The following TRAP1 variants were observed in gnomAD, a reference collection of about 807,000 sequenced individuals.
The protein encoded by TRAP1 is heat shock protein 75 kDa, mitochondrial.
Under a neutral mutation model 89.1 loss-of-function variants are expected in TRAP1, and 102 were observed. The ratio of observed to expected loss-of-function variants is 1.15; its 90% confidence interval spans 0.98 to 1.35. The LOEUF (loss-of-function observed/expected upper bound fraction) is 1.35. Ranked by LOEUF, TRAP1 falls within the 40% of genes most tolerant of loss-of-function variation. The pLI, the probability that TRAP1 is intolerant of heterozygous loss-of-function variation, is 0.00. For synonymous variants in TRAP1, 508 were observed against 388.0 expected (o/e 1.31, Z -3.64); for missense variants, 1,256 against 945.3 (o/e 1.33, Z -4.31).
At chr16:3,695,304 A>G (rs2051271351) in intron 1 of TRAP1, among the ~76,000 whole-genome samples, 1 of 152,170 alleles carries the variant, frequency 6.6e-6, no homozygotes, top group Admixed American at 6.6e-5. Context: ...AGCTGAGGGA[A>G]CATGACACTT....
At chr16:3,662,505 CT>C in intron 15 of TRAP1, 2 of 520,346 alleles carry the variant, frequency 3.8e-6, no homozygotes, top group Non-Finnish European at 3.6e-6. Flanking sequence ...GGAGTCTTAG[CT>C]CTCTGAAGCC....
In TRAP1 at chr16:3,663,571, G is replaced by A. The variant is rs1186089907; in HGVS notation, c.1570-9C>T. ...TCAAAGCAGAAGAGAACCTGCAGGTGGCCAAGAGCAGCTCCATCAGACCCC... is the reference window on the plus strand; with the variant it reads ...TCAAAGCAGAAGAGAACCTGCAGGTAGCCAAGAGCAGCTCCATCAGACCCC... On this transcript the variant is annotated splice_polypyrimidine_tract_variant and intron_variant, in intron 13 of 17. Transcript: ENST00000246957. 6.2e-7 allele frequency: 1 copy of A among 1,613,432 alleles called. No individual in the cohort carries two copies. The highest frequency in any genetic ancestry group is 1.3e-5 in the African/African-American group (1 of 74,924).
At position 3,672,719 on chromosome 16, in the gene TRAP1, C is replaced by T; in HGVS notation, c.1146G>A (p.Lys382=). The stretch of plus-strand genomic sequence containing the variant: ...GCGTACCTCGGATGAAGCGCAGCCA[C>T]TTGGGCAGGATGTCCGTGGCCTTGG... ...IQTKATDILP[K]WLRFIRGVVD... The change falls in exon 10 of 18, where the codon AAG becomes AAA. Residue 382 remains lysine, a synonymous_variant. Transcript: ENST00000246957. The T allele has an allele frequency of 6.2e-7, 1 of 1,610,032 alleles. No homozygotes were observed. The highest frequency in any genetic ancestry group is 2.2e-5 in the East Asian group (1 of 44,720).
chr16:3,662,866 C>T lies in TRAP1; in HGVS notation c.1794+16G>A. On this transcript the variant is annotated intron_variant, in intron 15 of 17. Coordinates refer to ENST00000246957, the MANE Select transcript of TRAP1 (RefSeq NM_016292.3). ...CACTGCGGCCAAGTGGTGGTCCATCCCCGGGAAAGCCTCACCTTCACGTTG... is the reference window on the plus strand; with the variant it reads ...CACTGCGGCCAAGTGGTGGTCCATCTCCGGGAAAGCCTCACCTTCACGTTG... The T allele has an allele frequency of 2.5e-6, 4 of 1,613,230 alleles. No individual in the cohort carries two copies. The highest frequency in any genetic ancestry group is 3.4e-6 in the Non-Finnish European group (4 of 1,179,734).
Position 3,698,217 on chromosome 16 carries a change from A to G in TRAP1, c.89-7232T>C, listed in dbSNP as rs74745301. ...TAAGAAATCTATATTTCCAGCCAGA[A>G]TTGCAAGACTTAGTATCATAACGCC... On this transcript the variant is annotated intron_variant, in intron 1 of 17. Coordinates refer to ENST00000246957, the MANE Select transcript of TRAP1 (RefSeq NM_016292.3). Among the ~76,000 whole-genome samples the G allele has an allele frequency of 9.7e-3, 1,483 of 152,230 alleles. 8 individuals are homozygous for G. The highest frequency in any genetic ancestry group is 0.027 in the Middle Eastern group (8 of 294).
At chr16:3,694,055 G>A (rs1386294997) in intron 1 of TRAP1, among the ~76,000 whole-genome samples, 3 of 151,396 alleles carry the variant, frequency 2.0e-5, no homozygotes, top group Admixed American at 6.6e-5. Flanking sequence ...CCCACTGGAG[G>A]TGCCGAGGGA....
At chr16:3,712,333 T>C (rs2051543613) in intron 1 of TRAP1, among the ~76,000 whole-genome samples, 1 of 145,216 alleles carries the variant, frequency 6.9e-6, no homozygotes, top group Admixed American at 6.9e-5. Context: ...ATGTCAGCAT[T>C]TTGAGACAAG....
At position 3,717,415 on chromosome 16, in the gene TRAP1, C is replaced by G; in HGVS notation, c.88+6G>C. On this transcript the variant is annotated splice_donor_region_variant and intron_variant, in intron 1 of 17. Coordinates refer to ENST00000246957, the MANE Select transcript of TRAP1 (RefSeq NM_016292.3). ...CCCGCTGCCCGTCCAGCCAGGACGC[C>G]CTCACCTCCCGGCACGGCCGCCAGC... The G allele has an allele frequency of 8.5e-7, 1 of 1,173,682 alleles. No homozygotes were observed. Among genetic ancestry groups the G allele is most frequent in the Non-Finnish European group, 1.1e-6 (1 of 930,802 alleles). 72.7% of individuals were successfully genotyped at this position (1,173,682 alleles called of 1,614,324 possible).
At chr16:3,674,977 G>T in intron 8 of TRAP1, 1 of 340,576 alleles carries the variant, frequency 2.9e-6, no homozygotes, top group Non-Finnish European at 5.5e-6. Flanking sequence ...AGTGGGGAAA[G>T]GGCTGCTTTT....
chr16:3,665,959 C>G lies in TRAP1; in HGVS notation c.1383+12G>C, dbSNP rs778097230. ...GTGGCCCAGAAAAAGGCCTGGAACA[C>G]AGCTCCTATACCTTGACCTCCTGCT... is the stretch of plus-strand genomic sequence containing the variant. On this transcript the variant is annotated intron_variant, in intron 12 of 17. Coordinates refer to ENST00000246957, the MANE Select transcript of TRAP1 (RefSeq NM_016292.3). 1.2e-6 allele frequency: 2 copies of G among 1,606,386 alleles called. No individual in the cohort carries two copies. The highest frequency in any genetic ancestry group is 1.7e-5 in the Admixed American group (1 of 58,098).
chr16:3,661,871 A>C lies in TRAP1; in HGVS notation c.1940+116T>G, dbSNP rs971708013. The C allele has an allele frequency of 1.2e-5, 16 of 1,329,188 alleles. No individual in the cohort carries two copies. The East Asian group carries it at 3.5e-4, about 29-fold the overall frequency. 82.3% of individuals were successfully genotyped at this position (1,329,188 alleles called of 1,614,324 possible). Reference sequence around the variant, plus strand: ...TGCATACAGCTCCTTATAGTTACCCACATGTCCACAGGCCTCACGCACTTT... The same window carrying C: ...TGCATACAGCTCCTTATAGTTACCCCCATGTCCACAGGCCTCACGCACTTT... On this transcript the variant is annotated intron_variant, in intron 16 of 17. Transcript: ENST00000246957.
intron 8 of TRAP1, chr16:3,674,747 GC>G: frequency 1.8e-6 from 1 of 541,342 alleles, no homozygotes; most frequent in Non-Finnish European, 3.3e-6. Context: ...ACCTGAGGGG[GC>G]CTGTGGGAGA....
chr16:3,713,771 T>G (rs2051562548), intron 1 of TRAP1, among the ~76,000 whole-genome samples: 1 of 152,170 alleles, frequency 6.6e-6, no homozygotes, highest in South Asian at 2.1e-4. Context: ...TCCCTCTCCT[T>G]TAGGAGGCGG....
intron 11 of TRAP1, among the ~76,000 whole-genome samples, chr16:3,666,584 A>G (rs2050834418): frequency 6.6e-6 from 1 of 152,206 alleles, no homozygotes; most frequent in Non-Finnish European, 1.5e-5. Context: ...TGCATCTTTT[A>G]ATAATCCTCA....
chr16:3,671,884 C>A, intron 10 of TRAP1, 93 bp from the exon 11 acceptor site: 1 of 1,353,768 alleles, frequency 7.4e-7, no homozygotes, highest in Non-Finnish European at 1.0e-6. Context: ...TCAGGCCTGG[C>A]CTTCAACCCA....
At chr16:3,712,971 C>A (rs2051551844) in intron 1 of TRAP1, among the ~76,000 whole-genome samples, 1 of 152,182 alleles carries the variant, frequency 6.6e-6, no homozygotes, top group South Asian at 2.1e-4. Context: ...CCTAACTAAG[C>A]TGAAGGTCCT....
intron 1 of TRAP1, among the ~76,000 whole-genome samples, chr16:3,694,690 C>T (rs72760803): frequency 0.16 from 24,641 of 152,110 alleles, 2,461 homozygotes; most frequent in South Asian, 0.29. Context: ...GTTGCCCAGC[C>T]TGGTCTTGAA....
At chr16:3,663,013 C>T in intron 14 of TRAP1, 46 bp from the exon 15 acceptor site, 2 of 1,496,034 alleles carry the variant, frequency 1.3e-6, no homozygotes. Flanking sequence ...CATCCCAACT[C>T]CCCGGCTTCC....
At chr16:3,690,541 C>G (rs566662034) in intron 2 of TRAP1, among the ~76,000 whole-genome samples, 21 of 152,208 alleles carry the variant, frequency 1.4e-4, no homozygotes, top group Non-Finnish European at 1.3e-4. Context: ...GTTTCCCCTC[C>G]CGCTTCCATG....
Sources: allele counts gnomAD v4.1 joint callset (sites outside exome capture counted in the v4.1 genomes callset), GRCh38; gene constraint gnomAD v4.1.1; transcripts MANE v1.5; gene names NCBI Gene and HGNC (gene_info 2026-07-23, HGNC 2026-07-21).